Variants in FRK observed in about 807,000 individuals in gnomAD.
FRK encodes fyn related Src family tyrosine kinase.
FRK carries 51 observed loss-of-function variants against 56.4 expected under a neutral mutation model. The observed-to-expected ratio is 0.90, with a 90% CI of 0.72 to 1.14. The LOEUF (loss-of-function observed/expected upper bound fraction) is 1.14. Among genes scored for constraint, FRK ranks in the 50% most tolerant of loss-of-function variants. The pLI, the probability that FRK is intolerant of heterozygous loss-of-function variation, is 0.00. For missense variants in FRK, 570 were observed against 601.4 expected (o/e 0.95, Z 0.55); for synonymous variants, 245 against 217.9 (o/e 1.12, Z -1.10).
chr6:115,943,170 T>G lies in FRK; in HGVS notation c.1156A>C (p.Ile386Leu). ...TTTATTTCGTGTCTAGATTCATAGA[T>G]GTCTTCATTATCTACCTGTTCATGT... ...ARVFKVDNEDIYESRHEIKLP... is the reference protein window; with the variant it reads ...ARVFKVDNEDLYESRHEIKLP... Residue 386 changes from isoleucine (I) to leucine (L), a missense_variant, in exon 7 of 8, where the codon ATC becomes CTC. Transcript: ENST00000606080. The G allele has an allele frequency of 6.2e-7, 1 of 1,610,612 alleles. No homozygotes were observed. Among genetic ancestry groups the G allele is most frequent in the Non-Finnish European group, 8.5e-7 (1 of 1,178,730 alleles).
At chr6:115,944,821 C>T (rs1376660650) in intron 5 of FRK, among the ~76,000 whole-genome samples, 3 of 152,008 alleles carry the variant, frequency 2.0e-5, no homozygotes, top group Non-Finnish European at 4.4e-5. Flanking sequence ...TATTTCATCA[C>T]CTAGGTATTA....
At position 116,060,487 on chromosome 6, in the gene FRK, C is replaced by A. The variant is rs1582772433; in HGVS notation, c.-176G>T. ...AGCAGCTGGGTTGCAGCAAGTCCTA[C>A]CTGGAGAGACTTACCGGCTTGCTTT... On this transcript the variant is annotated 5_prime_UTR_variant, in exon 1 of 8. Transcript: ENST00000606080. 4 of 587,270 alleles carry A rather than the reference C, an allele frequency of 6.8e-6. No homozygotes were observed. The East Asian group carries it at 1.1e-4, about 17-fold the overall frequency. 36.4% of individuals were successfully genotyped at this position (587,270 alleles called of 1,614,324 possible).
the FRK span, among the ~76,000 whole-genome samples, chr6:116,084,369 A>G: frequency 3.3e-5 from 5 of 152,214 alleles, no homozygotes; most frequent in Non-Finnish European, 5.9e-5. Context: ...GATCTGGACC[A>G]GGCTTGGATG....
chr6:116,052,556 T>A (rs942513980), intron 1 of FRK, among the ~76,000 whole-genome samples: 4 of 151,806 alleles, frequency 2.6e-5, no homozygotes, highest in Non-Finnish European at 5.9e-5. Context: ...CTGCAGAAAA[T>A]AAATTAGCAG....
rs563745651 is a variant in FRK at position 115,957,743 on chromosome 6, C to T, written c.800-1133G>A. ...GAGAACCCAGAAGTTCAGAACTGGA[C>T]TAATCAGACTCTGCATTCTAGACAA... On this transcript the variant is annotated intron_variant, in intron 4 of 7. Coordinates refer to ENST00000606080, the MANE Select transcript of FRK (RefSeq NM_002031.3). Among the ~76,000 whole-genome samples the T allele has an allele frequency of 5.3e-5, 8 of 152,324 alleles. No individual in the cohort carries two copies. The South Asian group carries it at 1.7e-3, about 32-fold the overall frequency.
At chr6:116,054,496 T>C (rs1465474823) in intron 1 of FRK, among the ~76,000 whole-genome samples, 1 of 142,690 alleles carries the variant, frequency 7.0e-6, no homozygotes, top group Non-Finnish European at 1.5e-5. Flanking sequence ...TAGTATATTA[T>C]ACTATTATAA....
intron 1 of FRK, among the ~76,000 whole-genome samples, chr6:116,058,090 T>C (rs943225523): frequency 6.6e-6 from 1 of 152,142 alleles, no homozygotes; most frequent in African/African-American, 2.4e-5. Context: ...GTTGAATATA[T>C]TTAAAACTAA....
At chr6:116,054,208 G>T (rs951098412) in intron 1 of FRK, among the ~76,000 whole-genome samples, 4 of 150,378 alleles carry the variant, frequency 2.7e-5, no homozygotes, top group Non-Finnish European at 5.9e-5. Context: ...TTTTAAAAAC[G>T]TATTTGTCAT....
chr6:115,986,143 T>A (rs1283988301), intron 2 of FRK, among the ~76,000 whole-genome samples: 1 of 151,968 alleles, frequency 6.6e-6, no homozygotes, highest in African/African-American at 2.4e-5. Context: ...TTCTTCTCCA[T>A]CCCACTTACT....
intron 2 of FRK, among the ~76,000 whole-genome samples, chr6:115,980,155 T>A (rs1774141837): frequency 6.6e-6 from 1 of 152,058 alleles, no homozygotes; most frequent in African/African-American, 2.4e-5. Context: ...CAACAGGGAA[T>A]TCAATAAAGG....
intron 1 of FRK, among the ~76,000 whole-genome samples, chr6:116,011,381 C>A (rs191399464): frequency 6.6e-6 from 1 of 151,966 alleles, no homozygotes; most frequent in African/African-American, 2.4e-5. Context: ...CATATGACTT[C>A]TTTTTATAAT....
chr6:116,095,876 A>G, the FRK span, among the ~76,000 whole-genome samples: 4 of 152,160 alleles, frequency 2.6e-5, no homozygotes, highest in East Asian at 7.7e-4. Context: ...CTAACCAGTC[A>G]GGGACAGTAT....
chr6:116,042,847 C>A (rs1410616830), intron 1 of FRK, among the ~76,000 whole-genome samples: 1 of 151,710 alleles, frequency 6.6e-6, no homozygotes, highest in African/African-American at 2.4e-5. Flanking sequence ...ATCCATCTCA[C>A]GTGCAAAGAC....
rs571464474 is a variant in FRK, at chr6:115,972,643, T to A, written c.467-3904A>T. 1.1e-3 allele frequency among the ~76,000 whole-genome samples: 161 copies of A among 152,298 alleles called. 1 individual carries two copies. The highest frequency in any genetic ancestry group is 1.8e-3 in the Admixed American group (27 of 15,296). On this transcript the variant is annotated intron_variant, in intron 2 of 7. Transcript: ENST00000606080. ...CCATACCTATCTTTGACCAATTCCT[T>A]TGTCAACTGTGAGTATGGAGATCTG...
chr6:116,037,785 C>T (rs1005195731), intron 1 of FRK, among the ~76,000 whole-genome samples: 3 of 147,988 alleles, frequency 2.0e-5, no homozygotes, highest in Non-Finnish European at 4.5e-5. Context: ...GCCTTTTTTA[C>T]CCACATTTTA....
chr6:116,082,044 G>T, the FRK span, among the ~76,000 whole-genome samples: 1 of 151,990 alleles, frequency 6.6e-6, no homozygotes, highest in African/African-American at 2.4e-5. Context: ...CACCCAAGAG[G>T]GTATAATTTA....
intron 1 of FRK, among the ~76,000 whole-genome samples, chr6:116,059,090 T>C (rs1017293112): frequency 2.6e-5 from 4 of 152,064 alleles, no homozygotes; most frequent in African/African-American, 9.7e-5. Flanking sequence ...ATTCAGTCAC[T>C]ACTAGAATAA....
rs189540388 is a variant in FRK, at chr6:115,982,611, T to G, written c.467-13872A>C. 6.6e-5 allele frequency among the ~76,000 whole-genome samples: 10 copies of G among 152,256 alleles called. No homozygotes were observed. The East Asian group carries it at 1.9e-3, about 29-fold the overall frequency. ...TTTGAAGGCTGGCTAATCATCTTCCTAATGACCCTTACTCATTCAGGAGTG... is the reference window on the plus strand; with the variant it reads ...TTTGAAGGCTGGCTAATCATCTTCCGAATGACCCTTACTCATTCAGGAGTG... On this transcript the variant is annotated intron_variant, in intron 2 of 7. Transcript: ENST00000606080.
intron 2 of FRK, among the ~76,000 whole-genome samples, chr6:115,972,422 G>A (rs1773840148): frequency 6.6e-6 from 1 of 152,204 alleles, no homozygotes; most frequent in South Asian, 2.1e-4. Flanking sequence ...AGGGTGGAGA[G>A]TTAGCTCTCA....
Sources: gnomAD v4.1 joint callset for allele counts (sites outside exome capture counted in the v4.1 genomes callset) on GRCh38, gnomAD v4.1.1 for gene constraint, MANE v1.5 for transcripts, NCBI Gene and HGNC (gene_info 2026-07-23, HGNC 2026-07-21) for gene names.